ERCC6L2: variants seen among roughly 807,000 people sequenced by gnomAD.
The protein encoded by ERCC6L2 is ERCC excision repair 6 like 2.
A neutral mutation model predicts 132.0 loss-of-function variants in ERCC6L2; 77 were observed. The observed-to-expected ratio is 0.58, with a 90% confidence interval of 0.49 to 0.71. The LOEUF is 0.71. Among genes scored for constraint, ERCC6L2 ranks in the 30% least tolerant of loss-of-function variants. ERCC6L2 has a pLI of 0.00. For missense variants in ERCC6L2, 1,542 were observed against 1,837.6 expected, an observed-to-expected ratio of 0.84 and a Z score of 2.94; for synonymous variants, 583 against 632.4, an observed-to-expected ratio of 0.92 and a Z score of 1.17.
chr9:95,929,383 A>G (rs1020830721), intron 11 of ERCC6L2, among the ~76,000 whole-genome samples: 3 of 152,208 alleles, frequency 2.0e-5, no homozygotes, highest in African/African-American at 7.2e-5. Flanking sequence ...CCTTTTAGAG[A>G]ATATACACAC....
rs560376331 is a variant in ERCC6L2, at chr9:95,903,414, A to G, written c.595-3664A>G. On this transcript the variant is annotated intron_variant, in intron 3 of 18. Coordinates refer to ENST00000653738, the MANE Select transcript of ERCC6L2 (RefSeq NM_020207.7). ...AGTTTTCTCAACTTATGAAAAATAA[A>G]TTTTCTCAAATTTCTCCTCAAAACC... Among the ~76,000 whole-genome samples, 5 of 152,148 alleles carry G rather than the reference A, an allele frequency of 3.3e-5. No individual in the cohort carries two copies. The East Asian group carries it at 9.6e-4, about 29-fold the overall frequency.
intron 17 of ERCC6L2, among the ~76,000 whole-genome samples, chr9:95,992,281 A>T (rs1475967620): frequency 6.6e-6 from 1 of 152,210 alleles, no homozygotes; most frequent in South Asian, 2.1e-4. Flanking sequence ...TTAAATTTTC[A>T]GTAGATATAA....
intron 2 of ERCC6L2, among the ~76,000 whole-genome samples, chr9:95,888,982 A>C (rs910881519): frequency 1.1e-4 from 16 of 152,154 alleles, no homozygotes; most frequent in African/African-American, 3.6e-4. Flanking sequence ...GTTTATTACT[A>C]TTTCAACTTA....
At chr9:95,962,177 T>C (rs950957230) in intron 13 of ERCC6L2, among the ~76,000 whole-genome samples, 1 of 152,106 alleles carries the variant, frequency 6.6e-6, no homozygotes, top group Admixed American at 6.6e-5. Flanking sequence ...AATCTAGAGA[T>C]AGAAAATAAA....
At chr9:95,914,315 G>T (rs1381336257) in intron 4 of ERCC6L2, among the ~76,000 whole-genome samples, 1 of 151,798 alleles carries the variant, frequency 6.6e-6, no homozygotes, top group African/African-American at 2.4e-5. Flanking sequence ...AGAATCTTTT[G>T]CTCATGTTTT....
At chr9:95,986,544 C>T (rs1207940434) in intron 17 of ERCC6L2, among the ~76,000 whole-genome samples, 1 of 147,358 alleles carries the variant, frequency 6.8e-6, no homozygotes, top group Non-Finnish European at 1.5e-5. Flanking sequence ...TCACCCAGGC[C>T]AGTGTGCAGT....
intron 2 of ERCC6L2, among the ~76,000 whole-genome samples, chr9:95,893,874 T>C (rs1202624724): frequency 6.6e-6 from 1 of 152,216 alleles, no homozygotes; most frequent in African/African-American, 2.4e-5. Context: ...ATTTCTGCTT[T>C]TTTGTGTTAA....
intron 11 of ERCC6L2, among the ~76,000 whole-genome samples, chr9:95,938,875 C>T (rs1001353989): frequency 1.3e-5 from 2 of 151,464 alleles, no homozygotes; most frequent in Non-Finnish European, 3.0e-5. Context: ...TTTCTAGTTC[C>T]ACTGTTTCTC....
chr9:95,979,333 G>T (rs1832798876), intron 17 of ERCC6L2, among the ~76,000 whole-genome samples: 3 of 152,118 alleles, frequency 2.0e-5, no homozygotes, highest in Admixed American at 2.0e-4. Context: ...GGTTGAGGGG[G>T]CCAATGGGGA....
chr9:95,999,445 G>A (rs1358223274), intron 17 of ERCC6L2, among the ~76,000 whole-genome samples: 3 of 152,072 alleles, frequency 2.0e-5, no homozygotes, highest in African/African-American at 4.8e-5. Flanking sequence ...AAAGATCCAC[G>A]TGTCTAATAG....
In ERCC6L2 at chr9:96,015,020, T is replaced by G. The variant is rs867880340; in HGVS notation, c.*1817T>G. Among the ~76,000 whole-genome samples the G allele has an allele frequency of 9.2e-5, 11 of 120,056 alleles. No individual in the cohort carries two copies. The highest frequency in any genetic ancestry group is 1.4e-4 in the Non-Finnish European group (8 of 59,230). The allele number at this position is 120,056 out of a possible 152,430, so 78.8% of individuals were successfully genotyped here. ...ATAGTCTTCATATATGTACAGTTTT[T>G]TTTTTTTTTTTTTTTTTTTTGAGAT... On this transcript the variant is annotated 3_prime_UTR_variant, in exon 19 of 19. Transcript: ENST00000653738.
chr9:95,904,094 A>C (rs994788499), intron 3 of ERCC6L2, among the ~76,000 whole-genome samples: 2 of 151,650 alleles, frequency 1.3e-5, no homozygotes, highest in African/African-American at 4.8e-5. Flanking sequence ...AGTAGGGTGT[A>C]AATTAATTAT....
chr9:95,918,958 C>T (rs1564223441), intron 6 of ERCC6L2, among the ~76,000 whole-genome samples: 1 of 152,062 alleles, frequency 6.6e-6, no homozygotes, highest in Non-Finnish European at 1.5e-5. Context: ...AGCTCCGCCT[C>T]CCTGGGTTCA....
At chr9:95,958,765 C>T (rs961085385) in intron 13 of ERCC6L2, among the ~76,000 whole-genome samples, 2 of 152,112 alleles carry the variant, frequency 1.3e-5, no homozygotes, top group Non-Finnish European at 2.9e-5. Context: ...CATGAGTGAA[C>T]TCCCATTCAC....
intron 2 of ERCC6L2, among the ~76,000 whole-genome samples, chr9:95,890,579 T>A (rs1447990932): frequency 6.6e-6 from 1 of 152,210 alleles, no homozygotes; most frequent in Non-Finnish European, 1.5e-5. Flanking sequence ...GACAACATAA[T>A]TTGCAAAAGC....
At chr9:96,009,620 C>G (rs1211213774) in intron 18 of ERCC6L2, among the ~76,000 whole-genome samples, 1 of 152,158 alleles carries the variant, frequency 6.6e-6, no homozygotes, top group East Asian at 1.9e-4. Flanking sequence ...TTATGGAAGT[C>G]TACTCTAGTT....
intron 18 of ERCC6L2, among the ~76,000 whole-genome samples, chr9:96,007,503 A>G (rs1198612194): frequency 4.6e-5 from 7 of 152,254 alleles, no homozygotes; most frequent in Non-Finnish European, 1.0e-4. Context: ...AGAACAGTTT[A>G]GCTGGATGGC....
At chr9:95,892,478 C>T (rs139037146) in intron 2 of ERCC6L2, among the ~76,000 whole-genome samples, 16 of 143,594 alleles carry the variant, frequency 1.1e-4, no homozygotes, top group African/African-American at 2.6e-4. Flanking sequence ...CAGGCTGGAG[C>T]GTGGTGGTGA....
intron 17 of ERCC6L2, among the ~76,000 whole-genome samples, chr9:96,000,178 C>T (rs9792431): frequency 0.03 from 4,586 of 152,128 alleles, 96 homozygotes; most frequent in East Asian, 0.13. Flanking sequence ...TGAGCCACCG[C>T]GCCTGGCCAA....
Sources: allele counts gnomAD v4.1 joint callset (sites outside exome capture counted in the v4.1 genomes callset), GRCh38; gene constraint gnomAD v4.1.1; transcripts MANE v1.5; gene names NCBI Gene and HGNC (gene_info 2026-07-23, HGNC 2026-07-21).